The following RFT1 variants were observed in gnomAD, a reference collection of about 807,000 sequenced individuals.
RFT1 encodes RFT1 glycolipid translocator homolog.
RFT1 carries 43 observed loss-of-function variants against 62.2 expected under a neutral mutation model. That is an observed-to-expected ratio of 0.69 (90% confidence interval 0.54 to 0.89). The LOEUF (loss-of-function observed/expected upper bound fraction) is 0.89. Ranked by LOEUF, RFT1 falls within the 40% of genes least tolerant of loss-of-function variation. RFT1 has a pLI of 0.00. For missense variants in RFT1, 605 were observed against 649.9 expected, an observed-to-expected ratio of 0.93 and a Z score of 0.75; for synonymous variants, 262 against 264.6, an observed-to-expected ratio of 0.99 and a Z score of 0.10.
chr3:53,079,576 ATAGAAAAAT>A, the RFT1 span, among the ~76,000 whole-genome samples: 1 of 152,198 alleles, frequency 6.6e-6, no homozygotes, highest in South Asian at 2.1e-4. Flanking sequence ...TCTAGTAAAA[ATAGAAAAAT>A]TAGCTGGGCA....
At chr3:53,099,514 C>T (rs1176736533) in intron 10 of RFT1, 28 bp from the exon 11 acceptor site, 1 of 1,579,198 alleles carries the variant, frequency 6.3e-7, no homozygotes, top group East Asian at 2.2e-5. Flanking sequence ...ACTGAGACTC[C>T]AGAGCCCAAT....
chr3:53,091,653 A>C lies in RFT1; in HGVS notation c.*250T>G, dbSNP rs1700989941. The stretch of plus-strand genomic sequence containing the variant: ...AGTAAAAGAGAAAATGCTGATTACT[A>C]TAAAATGATAAAAAACTATTATTTT... On this transcript the variant is annotated 3_prime_UTR_variant, in exon 13 of 13. Transcript: ENST00000296292. 1.9e-6 allele frequency: 1 copy of C among 523,886 alleles called. No individual in the cohort carries two copies. The highest frequency in any genetic ancestry group is 2.1e-5 in the South Asian group (1 of 47,196). 32.5% of individuals were successfully genotyped at this position (523,886 alleles called of 1,614,324 possible). A position where few individuals can be genotyped will look rare whatever the true frequency, so the allele number is the denominator to read the frequency against.
intron 7 of RFT1, among the ~76,000 whole-genome samples, chr3:53,109,889 T>C (rs1014710403): frequency 6.6e-6 from 1 of 152,116 alleles, no homozygotes; most frequent in Non-Finnish European, 1.5e-5. Flanking sequence ...TTTAAAAATA[T>C]ATCGAATCTG....
rs375468565 is a variant in RFT1, at chr3:53,116,746, C to T, written c.696+3138G>A. Reference sequence around the variant, plus strand: ...CCTCCCAAGTAGCTGGGATTACAGGCGCATGCCACCATGCCCAGCTAACTG... The same window carrying T: ...CCTCCCAAGTAGCTGGGATTACAGGTGCATGCCACCATGCCCAGCTAACTG... On this transcript the variant is annotated intron_variant, in intron 6 of 12. Transcript: ENST00000296292. 5.3e-5 allele frequency among the ~76,000 whole-genome samples: 8 copies of T among 152,102 alleles called. No homozygotes were observed. In the East Asian group the frequency reaches 1.2e-3, roughly 22 times the overall value.
chr3:53,121,768 C>CT lies in RFT1; in HGVS notation c.488dup (p.Ser164GlufsTer78). 6.2e-7 allele frequency: 1 copy of CT among 1,613,944 alleles called. No homozygotes were observed. The highest frequency in any genetic ancestry group is 1.1e-5 in the South Asian group (1 of 91,044). On this transcript the variant is annotated frameshift_variant, in exon 5 of 13. Transcript: ENST00000296292. LOFTEE classifies it high-confidence loss of function. Reference sequence around the variant, plus strand: ...GCACGAGAAAAGCTGTCAGAACGCTCTTAAGAATTACCGACAGGCTCTCTG... The same window carrying CT: ...GCACGAGAAAAGCTGTCAGAACGCTCTTTAAGAATTACCGACAGGCTCTCTG...
rs369525015 is a variant in RFT1, at chr3:53,130,404, C to T, written c.-4G>A. ...CCAGCACCTCCTGGCTGCCCATAGC[C>T]TCCGCGCCAGGCTCAGACACCAGGA... is the stretch of plus-strand genomic sequence containing the variant. On this transcript the variant is annotated 5_prime_UTR_variant, in exon 1 of 13. Coordinates refer to ENST00000296292, the MANE Select transcript of RFT1 (RefSeq NM_052859.4). 5.4e-5 allele frequency: 84 copies of T among 1,552,554 alleles called. No individual in the cohort carries two copies. The African/African-American group carries it at 1.1e-3, about 20-fold the overall frequency.
chr3:53,091,823 G>T lies in RFT1; in HGVS notation c.*80C>A. 6.7e-7 allele frequency: 1 copy of T among 1,487,304 alleles called. No homozygotes were observed. The highest frequency in any genetic ancestry group is 9.4e-7 in the Non-Finnish European group (1 of 1,068,108). 92.1% of individuals were successfully genotyped at this position (1,487,304 alleles called of 1,614,324 possible). A position where few individuals can be genotyped will look rare whatever the true frequency, so the allele number is the denominator to read the frequency against. Reference sequence around the variant, plus strand: ...ACTCCGCTGCAGAGCCCTCAGTGGGGCTCTTACACAGAATGTGTTCCACCC... The same window carrying T: ...ACTCCGCTGCAGAGCCCTCAGTGGGTCTCTTACACAGAATGTGTTCCACCC... On this transcript the variant is annotated 3_prime_UTR_variant, in exon 13 of 13. Transcript: ENST00000296292.
At chr3:53,069,940 A>C in the RFT1 span, among the ~76,000 whole-genome samples, 2 of 152,190 alleles carry the variant, frequency 1.3e-5, no homozygotes, top group Non-Finnish European at 2.9e-5. Flanking sequence ...CTGTGTGTCT[A>C]TGGAGACAGA....
chr3:53,068,615 G>C, the RFT1 span, among the ~76,000 whole-genome samples: 3 of 150,920 alleles, frequency 2.0e-5, no homozygotes, highest in African/African-American at 7.5e-5. Context: ...ACATCCAAGA[G>C]CTGCAGCCAG....
intron 6 of RFT1, among the ~76,000 whole-genome samples, chr3:53,116,793 G>A (rs935512398): frequency 6.6e-6 from 1 of 151,764 alleles, no homozygotes; most frequent in Non-Finnish European, 1.5e-5. Flanking sequence ...TAGTAGAGAC[G>A]GGGTTTCACC....
rs953740144 is a variant in RFT1, at chr3:53,122,401, T to A, written c.429A>T (p.Ala143=). Residue 143 remains alanine, a synonymous_variant, in exon 4 of 13, where the codon GCA becomes GCT. Coordinates refer to ENST00000296292, the MANE Select transcript of RFT1 (RefSeq NM_052859.4). ...TGAGCTTCACAAACATATGTGCTTG[T>A]GCCAAGACCCAAAAGGGCTCTCCTA... ...ELLGEPFWVL[A]QAHMFVKLKV... The A allele has an allele frequency of 1.2e-6, 2 of 1,613,872 alleles. No homozygotes were observed. Among genetic ancestry groups the A allele is most frequent in the African/African-American group, 2.7e-5 (2 of 74,894 alleles).
At chr3:53,092,109 C>T (rs1368876285) in intron 12 of RFT1, 39 bp from the exon 13 acceptor site, 1 of 1,612,064 alleles carries the variant, frequency 6.2e-7, no homozygotes, top group Non-Finnish European at 8.5e-7. Context: ...GTTCCTCAGT[C>T]TATACCTCCT....
the RFT1 span, among the ~76,000 whole-genome samples, chr3:53,079,685 C>A: frequency 6.6e-6 from 1 of 152,168 alleles, no homozygotes; most frequent in South Asian, 2.1e-4. Context: ...CACTACTGCA[C>A]ACCAGCCTGG....
intron 11 of RFT1, among the ~76,000 whole-genome samples, chr3:53,095,825 T>A (rs914015056): frequency 6.6e-6 from 1 of 151,770 alleles, no homozygotes; most frequent in Non-Finnish European, 1.5e-5. Flanking sequence ...GGCACAGCCA[T>A]ACAATCGAGC....
chr3:53,122,314 A>T, intron 4 of RFT1, 60 bp downstream of exon 4: 3 of 1,527,444 alleles, frequency 2.0e-6, no homozygotes, highest in Middle Eastern at 1.9e-4. Context: ...AAGCATTTTT[A>T]AAAAACAACG....
intron 11 of RFT1, among the ~76,000 whole-genome samples, chr3:53,093,878 G>A (rs549398821): frequency 5.3e-4 from 81 of 152,224 alleles, no homozygotes; most frequent in African/African-American, 1.7e-3. Context: ...AAAATTAGCC[G>A]TGATATACAC....
At chr3:53,102,266 G>A (rs922813775) in intron 10 of RFT1, among the ~76,000 whole-genome samples, 2 of 152,204 alleles carry the variant, frequency 1.3e-5, no homozygotes, top group African/African-American at 4.8e-5. Context: ...ACACGGCCCT[G>A]GCCATAGCTT....
the RFT1 span, among the ~76,000 whole-genome samples, chr3:53,071,378 T>G: frequency 7.2e-5 from 11 of 152,186 alleles, no homozygotes; most frequent in Non-Finnish European, 1.5e-4. Context: ...CTCTGCAGTC[T>G]GTGAGGTTGG....
the RFT1 span, among the ~76,000 whole-genome samples, chr3:53,071,932 C>T: frequency 6.6e-6 from 1 of 152,232 alleles, no homozygotes; most frequent in Non-Finnish European, 1.5e-5. Context: ...GCCAATGGTC[C>T]CCTGAATTGG....
Sources: allele counts gnomAD v4.1 joint callset (sites outside exome capture counted in the v4.1 genomes callset), GRCh38; gene constraint gnomAD v4.1.1; transcripts MANE v1.5; gene names NCBI Gene and HGNC (gene_info 2026-07-23, HGNC 2026-07-21).